Variants in REDIC1 observed in about 807,000 individuals in gnomAD.
REDIC1 encodes the protein regulator of DNA class I crossover intermediates 1.
chr12:39,737,574 A>G, the REDIC1 span, among the ~76,000 whole-genome samples: 1 of 152,204 alleles, frequency 6.6e-6, no homozygotes, highest in Non-Finnish European at 1.5e-5. Flanking sequence ...ATCTCCTTTA[A>G]TCTCTACAAC....
At chr12:39,646,452 C>G in the REDIC1 span, 1 of 1,556,628 alleles carries the variant, frequency 6.4e-7, no homozygotes, top group Non-Finnish European at 8.7e-7. Context: ...CTTGATGATA[C>G]AGAAACCAAG....
the REDIC1 span, among the ~76,000 whole-genome samples, chr12:39,713,089 GTA>G: frequency 6.7e-6 from 1 of 148,460 alleles, no homozygotes; most frequent in African/African-American, 2.5e-5. Context: ...ACGTGTATGT[GTA>G]GATATGTGCA....
the REDIC1 span, among the ~76,000 whole-genome samples, chr12:39,744,116 AT>A: frequency 1.3e-5 from 2 of 152,366 alleles, no homozygotes; most frequent in Admixed American, 1.3e-4. Flanking sequence ...AAAAGCAGTT[AT>A]AAAGGAATAA....
the REDIC1 span, among the ~76,000 whole-genome samples, chr12:39,876,239 C>T: frequency 1.3e-5 from 2 of 152,144 alleles, no homozygotes; most frequent in Non-Finnish European, 2.9e-5. Flanking sequence ...CACTCAGCTT[C>T]CAGTCCTGAA....
At chr12:39,775,444 T>C in the REDIC1 span, among the ~76,000 whole-genome samples, 1 of 152,234 alleles carries the variant, frequency 6.6e-6, no homozygotes, top group Non-Finnish European at 1.5e-5. Context: ...TCTCTGGTCA[T>C]TGTGAAGTTA....
At chr12:39,684,910 G>A in the REDIC1 span, 4 of 1,612,170 alleles carry the variant, frequency 2.5e-6, no homozygotes, top group East Asian at 6.7e-5. Flanking sequence ...GCAGTCATGG[G>A]ACTTTGGACT....
the REDIC1 span, among the ~76,000 whole-genome samples, chr12:39,725,886 T>G: frequency 6.6e-6 from 1 of 152,064 alleles, no homozygotes; most frequent in Middle Eastern, 3.4e-3. Flanking sequence ...GGGGTGTGTG[T>G]GTGTTCATTT....
At chr12:39,740,099 G>A in the REDIC1 span, among the ~76,000 whole-genome samples, 1 of 152,196 alleles carries the variant, frequency 6.6e-6, no homozygotes, top group African/African-American at 2.4e-5. Context: ...ACCAACATGG[G>A]ATCATTTGAA....
the REDIC1 span, chr12:39,683,590 G>C: frequency 1.2e-6 from 1 of 861,128 alleles, no homozygotes; most frequent in Non-Finnish European, 1.8e-6. Context: ...ATTTGAGGGT[G>C]GGCAGGCAAC....
the REDIC1 span, among the ~76,000 whole-genome samples, chr12:39,679,595 A>G: frequency 2.6e-5 from 4 of 152,238 alleles, no homozygotes; most frequent in Non-Finnish European, 2.9e-5. Context: ...ATGCAATGCA[A>G]TTCCCATCAA....
At chr12:39,704,856 G>A in the REDIC1 span, among the ~76,000 whole-genome samples, 3 of 151,942 alleles carry the variant, frequency 2.0e-5, no homozygotes, top group African/African-American at 7.3e-5. Flanking sequence ...CTCACTCATA[G>A]GTGGGAATTG....
chr12:39,712,787 GTA>G, the REDIC1 span, among the ~76,000 whole-genome samples: 2 of 129,820 alleles, frequency 1.5e-5, no homozygotes, highest in African/African-American at 5.5e-5. Context: ...GTGTATATAC[GTA>G]TATGTATATA....
the REDIC1 span, among the ~76,000 whole-genome samples, chr12:39,813,654 G>A: frequency 6.6e-6 from 1 of 152,132 alleles, no homozygotes; most frequent in African/African-American, 2.4e-5. Flanking sequence ...TTTGAATCAA[G>A]ATTCAAATAA....
chr12:39,901,047 C>T, the REDIC1 span, among the ~76,000 whole-genome samples: 6 of 152,092 alleles, frequency 3.9e-5, no homozygotes, highest in African/African-American at 1.4e-4. Context: ...TATCTACAAC[C>T]ATCTGATCTT....
chr12:39,830,356 T>C, the REDIC1 span: 5 of 1,449,606 alleles, frequency 3.4e-6, no homozygotes, highest in South Asian at 5.9e-5. Flanking sequence ...GGGACTTGTT[T>C]TGGCCAAGGA....
chr12:39,799,606 G>T, the REDIC1 span, among the ~76,000 whole-genome samples: 1 of 152,228 alleles, frequency 6.6e-6, no homozygotes, highest in South Asian at 2.1e-4. Context: ...CAAACCAGGG[G>T]TTAGCTAAAA....
At chr12:39,825,952 T>A in the REDIC1 span, among the ~76,000 whole-genome samples, 1 of 152,174 alleles carries the variant, frequency 6.6e-6, no homozygotes, top group Non-Finnish European at 1.5e-5. Flanking sequence ...TTTGGGTGTT[T>A]TGTTTATTTT....
the REDIC1 span, among the ~76,000 whole-genome samples, chr12:39,897,208 G>A: frequency 1.3e-5 from 2 of 152,110 alleles, no homozygotes; most frequent in Non-Finnish European, 2.9e-5. Context: ...TGAAAAAAGA[G>A]GATTTTGAGT....
the REDIC1 span, among the ~76,000 whole-genome samples, chr12:39,816,865 G>T: frequency 1.3e-5 from 2 of 152,062 alleles, no homozygotes; most frequent in Non-Finnish European, 2.9e-5. Flanking sequence ...AAGATTTTAA[G>T]AATTTGAAAG....
Sources: allele counts gnomAD v4.1 joint callset (sites outside exome capture counted in the v4.1 genomes callset), GRCh38; gene constraint gnomAD v4.1.1; transcripts MANE v1.5; gene names NCBI Gene and HGNC (gene_info 2026-07-23, HGNC 2026-07-21).